INTS9: variants seen among roughly 807,000 people sequenced by gnomAD.
INTS9 encodes the protein integrator complex subunit 9.
A neutral mutation model predicts 79.7 loss-of-function variants in INTS9; 55 were observed. The ratio of observed to expected loss-of-function variants is 0.69; its 90% CI spans 0.56 to 0.86. INTS9 has a LOEUF of 0.86. INTS9 is among the 40% of genes least tolerant of loss of function. The pLI is 0.00. For synonymous variants in INTS9, 319 were observed against 325.2 expected, an observed-to-expected ratio of 0.98 and a Z score of 0.20; for missense variants, 721 against 831.5, an observed-to-expected ratio of 0.87 and a Z score of 1.64.
chr8:28,811,024 G>A (rs1377112750), intron 8 of INTS9, among the ~76,000 whole-genome samples: 2 of 152,014 alleles, frequency 1.3e-5, no homozygotes, highest in Non-Finnish European at 2.9e-5. Context: ...AACATGCCCA[G>A]CTTATTCTTA....
chr8:28,812,480 A>G lies in INTS9; in HGVS notation c.610-19T>C. 6.2e-7 allele frequency: 1 copy of G among 1,610,522 alleles called. No homozygotes were observed. Among genetic ancestry groups the G allele is most frequent in the Non-Finnish European group, 8.5e-7 (1 of 1,178,604 alleles). On this transcript the variant is annotated intron_variant, in intron 7 of 16. Coordinates refer to ENST00000521022, the MANE Select transcript of INTS9 (RefSeq NM_018250.4). ...AAAGCTCCTAAAAGAGAACCACAGT[A>G]AGAATGTGCAATGAGCTTACAGTGA... is the stretch of plus-strand genomic sequence containing the variant.
intron 4 of INTS9, among the ~76,000 whole-genome samples, chr8:28,838,928 C>T (rs1806990840): frequency 6.6e-6 from 1 of 152,192 alleles, no homozygotes; most frequent in Non-Finnish European, 1.5e-5. Context: ...CAGTACCTAA[C>T]AAGCCTTGGT....
chr8:28,829,177 T>TAC (rs529728061), intron 6 of INTS9, among the ~76,000 whole-genome samples: 15 of 152,308 alleles, frequency 9.8e-5, no homozygotes, highest in African/African-American at 3.1e-4. Context: ...ATTAGTTTTA[T>TAC]ACAAAAAAAG....
At chr8:28,783,324 G>A (rs1374101759) in intron 11 of INTS9, among the ~76,000 whole-genome samples, 5 of 152,062 alleles carry the variant, frequency 3.3e-5, no homozygotes, top group African/African-American at 4.8e-5. Context: ...ATCTTGTAAC[G>A]TCTCAGACAC....
intron 6 of INTS9, among the ~76,000 whole-genome samples, chr8:28,828,591 C>G (rs903704371): frequency 6.6e-6 from 1 of 152,196 alleles, no homozygotes; most frequent in African/African-American, 2.4e-5. Context: ...CCTCCGAGCA[C>G]ACACTTCTAT....
chr8:28,814,296 A>T lies in INTS9; in HGVS notation c.489-684T>A, dbSNP rs1000869199. On this transcript the variant is annotated intron_variant, in intron 6 of 16. Transcript: ENST00000521022. ...TGAACAGGGCTTCTCACACACACAC[A>T]CACACACACACACACACACACACAC... 1.4e-3 allele frequency among the ~76,000 whole-genome samples: 158 copies of T among 109,968 alleles called. 1 individual carries two copies. Among genetic ancestry groups the T allele is most frequent in the African/African-American group, 4.5e-3 (148 of 33,192 alleles). The allele number at this position is 109,968 out of a possible 152,430, so 72.1% of individuals were successfully genotyped here.
chr8:28,776,003 G>T, intron 13 of INTS9, 77 bp from the exon 14 acceptor site: 2 of 1,171,532 alleles, frequency 1.7e-6, no homozygotes, highest in South Asian at 1.7e-5. Context: ...TCCTGACCCC[G>T]ATCCACTCCC....
In INTS9 at chr8:28,824,480, G is replaced by A. The variant is rs189343888; in HGVS notation, c.488+10812C>T. 2.8e-3 allele frequency among the ~76,000 whole-genome samples: 431 copies of A among 152,276 alleles called. 1 individual carries two copies. The highest frequency in any genetic ancestry group is 0.014 in the Middle Eastern group (4 of 294). ...TAAGTCCCTCTGTCTTCTACATTTT[G>A]AGTGGACAACACTTACTTGCTCTTG... On this transcript the variant is annotated intron_variant, in intron 6 of 16. Coordinates refer to ENST00000521022, the MANE Select transcript of INTS9 (RefSeq NM_018250.4).
intron 12 of INTS9, chr8:28,780,374 A>G: frequency 2.0e-6 from 2 of 985,206 alleles, no homozygotes; most frequent in African/African-American, 1.7e-5. Flanking sequence ...GTCATTATCT[A>G]TGTAAACACT....
At position 28,826,689 on chromosome 8, in the gene INTS9, C is replaced by T. The variant is rs116053763; in HGVS notation, c.488+8603G>A. On this transcript the variant is annotated intron_variant, in intron 6 of 16. Coordinates refer to ENST00000521022, the MANE Select transcript of INTS9 (RefSeq NM_018250.4). ...AAAAGACTAGGACTTCTATCTTGCT[C>T]GCTTTCTTGCCTGCTTGGAATGGTC... is the stretch of plus-strand genomic sequence containing the variant. 9.7e-3 allele frequency among the ~76,000 whole-genome samples: 1,479 copies of T among 152,268 alleles called. 17 individuals are homozygous for T. The highest frequency in any genetic ancestry group is 0.034 in the African/African-American group (1,418 of 41,558).
intron 5 of INTS9, among the ~76,000 whole-genome samples, chr8:28,837,368 T>C (rs1806863416): frequency 6.6e-6 from 1 of 152,196 alleles, no homozygotes; most frequent in Non-Finnish European, 1.5e-5. Context: ...CTCCCCTAAT[T>C]AGTATTCTCT....
At chr8:28,846,897 A>G (rs1807550419) in intron 3 of INTS9, 88 bp from the exon 4 acceptor site, 5 of 986,014 alleles carry the variant, frequency 5.1e-6, no homozygotes, top group Middle Eastern at 2.1e-4. Context: ...AAAACTTTTC[A>G]TGAAGAATCA....
At chr8:28,878,492 A>T (rs1044940315) in intron 1 of INTS9, among the ~76,000 whole-genome samples, 28 of 151,188 alleles carry the variant, frequency 1.9e-4, no homozygotes, top group African/African-American at 6.8e-4. Flanking sequence ...AAAAAAAAAA[A>T]TTGTTTTTTT....
rs115738845 is a variant in INTS9 at position 28,808,496 on chromosome 8, C to T, written c.744+3831G>A. Among the ~76,000 whole-genome samples, 444 of 152,222 alleles carry T rather than the reference C, an allele frequency of 2.9e-3. 1 individual carries two copies. Among genetic ancestry groups the T allele is most frequent in the African/African-American group, 0.01 (423 of 41,552 alleles). ...ACCGTGCCCGGTTAGATTTTTAAAA[C>T]GTGACAACTCTCCAGTTTGTCTCCA... On this transcript the variant is annotated intron_variant, in intron 8 of 16. Coordinates refer to ENST00000521022, the MANE Select transcript of INTS9 (RefSeq NM_018250.4).
chr8:28,881,366 C>T (rs1809783271), intron 1 of INTS9, among the ~76,000 whole-genome samples: 2 of 142,548 alleles, frequency 1.4e-5, no homozygotes, highest in South Asian at 2.3e-4. Context: ...TCTGCCCGGC[C>T]GCCCCTACTG....
rs67407592 is a variant in INTS9, at chr8:28,793,779, C to CAAA, written c.1037+25_1037+27dup. ...AATGTCCTGAATCAAATAAAATTCA[C>CAAA]AAAAAAAAAAAAAAACCACGGACAT... On this transcript the variant is annotated intron_variant, in intron 10 of 16. Coordinates refer to ENST00000521022, the MANE Select transcript of INTS9 (RefSeq NM_018250.4). 2,160 of 1,183,768 alleles carry CAAA rather than the reference C, an allele frequency of 1.8e-3. 1 individual carries two copies. Among genetic ancestry groups the CAAA allele is most frequent in the East Asian group, 7.2e-3 (270 of 37,264 alleles). The allele number at this position is 1,183,768 out of a possible 1,614,324, so 73.3% of individuals were successfully genotyped here. A position where few individuals can be genotyped will look rare whatever the true frequency, so the allele number is the denominator to read the frequency against.
At chr8:28,842,951 G>C (rs1197170903) in intron 4 of INTS9, among the ~76,000 whole-genome samples, 2 of 152,184 alleles carry the variant, frequency 1.3e-5, no homozygotes, top group African/African-American at 4.8e-5. Flanking sequence ...TCCTGATCTA[G>C]AGGCTGAATT....
intron 1 of INTS9, among the ~76,000 whole-genome samples, chr8:28,881,824 G>C (rs1809844805): frequency 1.4e-5 from 2 of 145,486 alleles, no homozygotes; most frequent in South Asian, 2.2e-4. Flanking sequence ...CCGTCCGGGA[G>C]GGTGGTGGGG....
chr8:28,812,604 C>T (rs188868724), intron 7 of INTS9, 143 bp from the exon 8 acceptor site: 164 of 898,374 alleles, frequency 1.8e-4, no homozygotes, highest in Middle Eastern at 1.7e-3. Flanking sequence ...GGTGCAATGG[C>T]TCACGCCTGT....
Sources: allele counts gnomAD v4.1 joint callset (sites outside exome capture counted in the v4.1 genomes callset), GRCh38; gene constraint gnomAD v4.1.1; transcripts MANE v1.5; gene names NCBI Gene and HGNC (gene_info 2026-07-23, HGNC 2026-07-21).